KIF1A: variants seen among roughly 807,000 people sequenced by gnomAD.
KIF1A encodes the protein kinesin-like protein KIF1A.
A neutral mutation model predicts 227.3 loss-of-function variants in KIF1A; 46 were observed. That is an observed-to-expected ratio of 0.20 (90% CI 0.16 to 0.26). KIF1A has a LOEUF of 0.26. Ranked by LOEUF, KIF1A falls within the 10% of genes least tolerant of loss-of-function variation. The probability of loss-of-function intolerance (pLI) is 1.00; values close to 1 mark genes in which losing one functional copy is unlikely to be tolerated. For missense variants in KIF1A, 1,683 were observed against 2,485.9 expected (o/e 0.68, Z 6.87); for synonymous variants, 1,022 against 1,012.8 (o/e 1.01, Z -0.17).
At chr2:240,724,153 T>C in intron 40 of KIF1A, 117 bp from the exon 41 acceptor site, 1 of 890,926 alleles carries the variant, frequency 1.1e-6, no homozygotes, top group Non-Finnish European at 1.9e-6. Flanking sequence ...GCTGGGGTGA[T>C]GGGGTGTTGA....
chr2:240,741,240 G>A (rs371809961), intron 35 of KIF1A, 29 bp downstream of exon 35: 117 of 1,495,932 alleles, frequency 7.8e-5, no homozygotes, highest in South Asian at 4.5e-4. Context: ...ACACACTCAC[G>A]CCCTGGGGGC....
chr2:240,820,196 C>A lies in KIF1A; in HGVS notation c.-135G>T, dbSNP rs1180402061. On this transcript the variant is annotated 5_prime_UTR_variant, in exon 1 of 49. Coordinates refer to ENST00000498729, the MANE Select transcript of KIF1A (RefSeq NM_001244008.2). This position sits in a 1 kb window ranked among gnomAD's most constrained non-coding sequence, Gnocchi z 6.2. ...GGGCTCTCGAGCCCGGAGCTGCTGC[C>A]GCTCGCCGGCTGCTCTGCGCTGTGA... is the stretch of plus-strand genomic sequence containing the variant. 3 of 149,470 alleles carry A rather than the reference C, an allele frequency of 2.0e-5. No individual in the cohort carries two copies. The highest frequency in any genetic ancestry group is 1.8e-4 in the South Asian group (1 of 5,422). The allele number at this position is 149,470 out of a possible 1,614,324, so 9.3% of individuals were successfully genotyped here. A position where few individuals can be genotyped will look rare whatever the true frequency, so the allele number is the denominator to read the frequency against.
In KIF1A at chr2:240,727,000, CG is replaced by C; in HGVS notation, c.4008-61del. The C allele has an allele frequency of 9.8e-7, 1 of 1,016,212 alleles. No individual in the cohort carries two copies. Among genetic ancestry groups the C allele is most frequent in the Non-Finnish European group, 1.5e-6 (1 of 670,926 alleles). The allele number at this position is 1,016,212 out of a possible 1,614,324, so 62.9% of individuals were successfully genotyped here. On this transcript the variant is annotated intron_variant, in intron 38 of 48. Coordinates refer to ENST00000498729, the MANE Select transcript of KIF1A (RefSeq NM_001244008.2). The surrounding 1 kb of genome is among the most constrained non-coding windows in gnomAD (Gnocchi z 5.2). The stretch of plus-strand genomic sequence containing the variant: ...GCGTGGGGGCTGCTTTCAGCCAGGC[CG>C]GGGACATGCAGACAGACAGAGCGAC...
chr2:240,795,855 G>A (rs2056325905), intron 2 of KIF1A, among the ~76,000 whole-genome samples: 2 of 152,328 alleles, frequency 1.3e-5, no homozygotes, highest in South Asian at 2.1e-4. Context: ...AGGGGCAGGA[G>A]GGTCCCATCT....
intron 25 of KIF1A, among the ~76,000 whole-genome samples, chr2:240,759,625 C>A (rs941329856): frequency 2.6e-5 from 4 of 151,976 alleles, no homozygotes; most frequent in African/African-American, 9.7e-5. Context: ...GTGGGGCGTG[C>A]CATGCTCTGC....
chr2:240,785,185 G>T (rs764645606), intron 6 of KIF1A, 85 bp from the exon 7 acceptor site: 3 of 1,107,796 alleles, frequency 2.7e-6, no homozygotes, highest in Non-Finnish European at 4.0e-6. Context: ...TCTGAACCAG[G>T]TCATCGGGGG....
rs1310244385 is a variant in KIF1A, at chr2:240,759,579, C to T, written c.2445-1082G>A. 6.7e-5 allele frequency among the ~76,000 whole-genome samples: 5 copies of T among 74,656 alleles called. No individual in the cohort carries two copies. The East Asian group carries it at 2.3e-3, about 34-fold the overall frequency. 49.0% of individuals were successfully genotyped at this position (74,656 alleles called of 152,430 possible). On this transcript the variant is annotated intron_variant, in intron 25 of 48. Coordinates refer to ENST00000498729, the MANE Select transcript of KIF1A (RefSeq NM_001244008.2). ...CCTGGGCCTTCCCCTACTCCTACTCCTCTCTGCCTGGTGCCTCCCCCTGTA... is the reference window on the plus strand; with the variant it reads ...CCTGGGCCTTCCCCTACTCCTACTCTTCTCTGCCTGGTGCCTCCCCCTGTA...
chr2:240,802,063 C>G (rs1376263138), intron 1 of KIF1A, among the ~76,000 whole-genome samples: 1 of 136,884 alleles, frequency 7.3e-6, no homozygotes, highest in Non-Finnish European at 1.5e-5. Context: ...CTGCTAGGAC[C>G]AAGGATGAAG....
At chr2:240,808,357 A>G (rs1030921625) in intron 1 of KIF1A, among the ~76,000 whole-genome samples, 1 of 152,198 alleles carries the variant, frequency 6.6e-6, no homozygotes, top group Admixed American at 6.5e-5. Flanking sequence ...ATTTTAAGGT[A>G]TCCTTTAAAA....
At position 240,740,482 on chromosome 2, in the gene KIF1A, A is replaced by C; in HGVS notation, c.3750-118T>G. On this transcript the variant is annotated intron_variant, in intron 35 of 48. Coordinates refer to ENST00000498729, the MANE Select transcript of KIF1A (RefSeq NM_001244008.2). The surrounding 1 kb of genome is among the most constrained non-coding windows in gnomAD (Gnocchi z 6.1). ...AAAAGTCAGCAGCTCCCTCTGGTGA[A>C]GATCAGGTGGTCTGATCCATGGAGA... is the stretch of plus-strand genomic sequence containing the variant. 1.2e-6 allele frequency: 1 copy of C among 824,792 alleles called. No homozygotes were observed. Among genetic ancestry groups the C allele is most frequent in the East Asian group, 2.5e-5 (1 of 39,256 alleles). The allele number at this position is 824,792 out of a possible 1,614,324, so 51.1% of individuals were successfully genotyped here.
At chr2:240,720,612 T>C in intron 45 of KIF1A, 1 of 244,550 alleles carries the variant, frequency 4.1e-6, no homozygotes, top group Non-Finnish European at 8.0e-6. Flanking sequence ...TAACCTTTTC[T>C]TTTTCCATTA....
In KIF1A at chr2:240,745,801, C is replaced by T; in HGVS notation, c.3311G>A (p.Arg1104His). The stretch of plus-strand genomic sequence containing the variant: ...GCTGGACGCCTGCAGGACTGTCACA[C>T]GGAAGGTGAAGGTGTTGCCCAGGCG... ...HLRLGNTFTF[R>H]VTVLQASSIS... The change falls in exon 31 of 49, where the codon CGT becomes CAT. Residue 1104 changes from arginine (R) to histidine (H), a missense_variant. Transcript: ENST00000498729. The T allele has an allele frequency of 1.9e-6, 3 of 1,612,992 alleles. No individual in the cohort carries two copies. The highest frequency in any genetic ancestry group is 2.5e-6 in the Non-Finnish European group (3 of 1,179,684).
chr2:240,800,981 C>G (rs1337861663), intron 1 of KIF1A, among the ~76,000 whole-genome samples: 1 of 147,162 alleles, frequency 6.8e-6, no homozygotes, highest in East Asian at 2.0e-4. Context: ...TGGAAGCCAT[C>G]TGGAACCTCT....
chr2:240,721,013 A>G lies in KIF1A; in HGVS notation c.4769T>C (p.Leu1590Pro), dbSNP rs2125585935. The part of the protein sequence containing the change: ...SKLSEMSVTL[L>P]RDPSMSPLGV... ...TAGAGGGGACATCGACGGGTCCCGG[A>G]GCAGGGTGACAGACATCTCGGAGAG... The change falls in exon 45 of 49, where the codon CTC becomes CCC. Residue 1590 changes from leucine (L) to proline (P), a missense_variant. This residue lies in a region of KIF1A where 384 missense variants were observed against 410.1 expected (regional missense o/e 0.94). Transcript: ENST00000498729. The G allele has an allele frequency of 6.2e-7, 1 of 1,611,628 alleles. No homozygotes were observed.
rs183749276 is a variant in KIF1A, at chr2:240,743,510, T to C, written c.3584+432A>G. On this transcript the variant is annotated intron_variant, in intron 33 of 48. Transcript: ENST00000498729. ...TGACTTCATGCCCCAGCCCCGCAAG[T>C]CTCTCTGAGCCCCCATTTTCCAGGC... Among the ~76,000 whole-genome samples the C allele has an allele frequency of 8.1e-4, 123 of 152,186 alleles. 3 individuals are homozygous for C. Among genetic ancestry groups the C allele is most frequent in the African/African-American group, 2.8e-3 (116 of 41,528 alleles).
intron 4 of KIF1A, 55 bp downstream of exon 4, chr2:240,787,996 C>T: frequency 1.3e-6 from 2 of 1,504,224 alleles, no homozygotes; most frequent in Non-Finnish European, 1.8e-6. Flanking sequence ...CTCTCAGCCT[C>T]AGCTGGTCCC....
chr2:240,802,626 G>T (rs903131486), intron 1 of KIF1A, among the ~76,000 whole-genome samples: 2 of 152,062 alleles, frequency 1.3e-5, no homozygotes, highest in African/African-American at 4.8e-5. Context: ...AATATATATC[G>T]TACACATTAT....
At position 240,721,791 on chromosome 2, in the gene KIF1A, G is replaced by T. The variant is rs377367092; in HGVS notation, c.4743+16C>A. 6.3e-7 allele frequency: 1 copy of T among 1,595,842 alleles called. No individual in the cohort carries two copies. Among genetic ancestry groups the T allele is most frequent in the Admixed American group, 1.7e-5 (1 of 59,148 alleles). ...GAGCCCTGCGGGGCAGCCTGGTGCA[G>T]CCCCTCTGCACCCACCTTGCTCTCG... On this transcript the variant is annotated intron_variant, in intron 44 of 48. Coordinates refer to ENST00000498729, the MANE Select transcript of KIF1A (RefSeq NM_001244008.2).
rs747267404 is a variant in KIF1A at position 240,722,537 on chromosome 2, G to A, written c.4584C>T (p.Ser1528=). The A allele has an allele frequency of 2.6e-5, 41 of 1,549,104 alleles. No homozygotes were observed. The highest frequency in any genetic ancestry group is 3.1e-5 in the Non-Finnish European group (35 of 1,146,914). ...SEDSESHGSS[S]ASSPLSAEGR... ...CCTCAGCCGAGAGCGGGGAGGAGGC[G>A]CTGGAGGAGCCATGGGACTCAGAGT... is the stretch of plus-strand genomic sequence containing the variant. The change falls in exon 43 of 49, where the codon AGC becomes AGT. Residue 1528 remains serine (S), a synonymous_variant. Coordinates refer to ENST00000498729, the MANE Select transcript of KIF1A (RefSeq NM_001244008.2).
Sources: allele counts gnomAD v4.1 joint callset (sites outside exome capture counted in the v4.1 genomes callset), GRCh38; gene constraint gnomAD v4.1.1; regional missense constraint gnomAD v4.1.1; non-coding constraint Gnocchi (gnomAD v3.1); transcripts MANE v1.5; gene names NCBI Gene and HGNC (gene_info 2026-07-23, HGNC 2026-07-21).